The following NCAPD3 variants were observed in gnomAD, a reference collection of about 807,000 sequenced individuals.
NCAPD3 encodes the protein condensin-2 complex subunit D3.
Under a neutral mutation model 182.9 loss-of-function variants are expected in NCAPD3, and 105 were observed. The ratio of observed to expected loss-of-function variants is 0.57; its 90% confidence interval spans 0.49 to 0.68. The LOEUF (loss-of-function observed/expected upper bound fraction) is 0.68. NCAPD3 is among the 30% of genes least tolerant of loss of function. The pLI is 0.00. For missense variants in NCAPD3, 1,944 were observed against 1,837.0 expected, an observed-to-expected ratio of 1.06 and a Z score of -1.07; for synonymous variants, 815 against 679.9, an observed-to-expected ratio of 1.20 and a Z score of -3.09.
upstream of NCAPD3, chr11:134,224,089 T>A (rs1298853063): frequency 1.7e-5 from 14 of 818,062 alleles, no homozygotes; most frequent in Non-Finnish European, 2.1e-5. Context: ...ACCGGCGTCG[T>A]CCGCCGCACG....
In NCAPD3 at chr11:134,150,852, G is replaced by A. The variant is rs1035291923; in HGVS notation, c.*2092C>T. The A allele has an allele frequency of 6.6e-6, 1 of 152,022 alleles. No individual in the cohort carries two copies. Among genetic ancestry groups the A allele is most frequent in the Non-Finnish European group, 1.5e-5 (1 of 67,918 alleles). 9.4% of individuals were successfully genotyped at this position (152,022 alleles called of 1,614,324 possible). The stretch of plus-strand genomic sequence containing the variant: ...GTGGCGGCCAGTCCAGCCTTTTAAA[G>A]AACGTCAGGTGGAGCAGCCAGGTGA... On this transcript the variant is annotated 3_prime_UTR_variant, in exon 35 of 35. Coordinates refer to ENST00000534548, the MANE Select transcript of NCAPD3 (RefSeq NM_015261.3).
chr11:134,183,954 C>T (rs981433418), intron 19 of NCAPD3, among the ~76,000 whole-genome samples: 13 of 152,154 alleles, frequency 8.5e-5, no homozygotes, highest in African/African-American at 3.1e-4. Context: ...TTATTAATAA[C>T]CCCAGCTCTA....
intron 3 of NCAPD3, 85 bp downstream of exon 3, chr11:134,216,850 GA>G (rs1020122013): frequency 1.4e-6 from 2 of 1,385,134 alleles, no homozygotes; most frequent in African/African-American, 2.9e-5. Flanking sequence ...TATAAGTGAA[GA>G]AACAAGAAAC....
chr11:134,164,620 G>C (rs920367826), intron 27 of NCAPD3, among the ~76,000 whole-genome samples: 1 of 150,882 alleles, frequency 6.6e-6, no homozygotes, highest in African/African-American at 2.4e-5. Context: ...ACACTCACTT[G>C]TGACATGAGC....
At position 134,153,141 on chromosome 11, in the gene NCAPD3, G is replaced by A; in HGVS notation, c.4387C>T (p.Pro1463Ser). 1 of 1,614,024 alleles carries A rather than the reference G, an allele frequency of 6.2e-7. No individual in the cohort carries two copies. Among genetic ancestry groups the A allele is most frequent in the Non-Finnish European group, 8.5e-7 (1 of 1,179,898 alleles). ...CAAAAGGAACACTGCTAAACTTACGGTTTATCAGGCAGTGATAAACATAAG... is the reference window on the plus strand; with the variant it reads ...CAAAAGGAACACTGCTAAACTTACGATTTATCAGGCAGTGATAAACATAAG... Reference protein sequence around the residue: ...DILCLSLPDKPPPQPQQWNVR... With the variant: ...DILCLSLPDKSPPQPQQWNVR... The change falls in exon 34 of 35, where the codon CCG becomes TCG. Residue 1463 changes from proline (P) to serine (S), a missense_variant and splice_region_variant. Around this residue, in one of 3 missense-constraint regions of NCAPD3, gnomAD observed 1,803 missense variants for 1,674.6 expected, o/e 1.08. Coordinates refer to ENST00000534548, the MANE Select transcript of NCAPD3 (RefSeq NM_015261.3).
intron 2 of NCAPD3, among the ~76,000 whole-genome samples, chr11:134,218,501 T>C (rs1442536281): frequency 6.6e-6 from 1 of 152,226 alleles, no homozygotes; most frequent in African/African-American, 2.4e-5. Context: ...CCTGACAGAA[T>C]CTCAAGTTCA....
chr11:134,204,298 G>T lies in NCAPD3; in HGVS notation c.1090-127C>A. The T allele has an allele frequency of 9.6e-7, 1 of 1,040,902 alleles. No homozygotes were observed. Among genetic ancestry groups the T allele is most frequent in the Non-Finnish European group, 1.3e-6 (1 of 742,916 alleles). The allele number at this position is 1,040,902 out of a possible 1,614,324, so 64.5% of individuals were successfully genotyped here. On this transcript the variant is annotated intron_variant, in intron 9 of 34. Coordinates refer to ENST00000534548, the MANE Select transcript of NCAPD3 (RefSeq NM_015261.3). The surrounding 1 kb of genome is among the most constrained non-coding windows in gnomAD (Gnocchi z 4.3). ...AATGACCTTTAAATGTTACGTAAATGACTAATAAATTTTAGGTTTTAGAAC... is the reference window on the plus strand; with the variant it reads ...AATGACCTTTAAATGTTACGTAAATTACTAATAAATTTTAGGTTTTAGAAC...
rs140434135 is a variant in NCAPD3 at position 134,177,286 on chromosome 11, A to C, written c.2954T>G (p.Met985Arg). The change falls in exon 23 of 35, where the codon ATG becomes AGG. Residue 985 changes from methionine to arginine, a missense_variant. Physicochemically the swap from Met to Arg is moderately conservative, Grantham distance 91. Transcript: ENST00000534548. ...MVDKYIPNIS[M>R]CLKDSDPFIR... ...GAATGGGTCGGAATCCTTCAGACAC[A>C]TGGAGATGTTGGGAATATACTTGTC... 8 of 1,614,108 alleles carry C rather than the reference A, an allele frequency of 5.0e-6. No individual in the cohort carries two copies. Among genetic ancestry groups the C allele is most frequent in the Non-Finnish European group, 6.8e-6 (8 of 1,180,048 alleles).
chr11:134,164,717 C>T (rs930385876), intron 27 of NCAPD3, among the ~76,000 whole-genome samples: 5 of 149,980 alleles, frequency 3.3e-5, no homozygotes, highest in Middle Eastern at 3.7e-3. Context: ...GCTGTACACT[C>T]ACTTGCGACA....
At chr11:134,157,237 G>C in intron 31 of NCAPD3, 142 bp from the exon 32 acceptor site, 2 of 559,158 alleles carry the variant, frequency 3.6e-6, no homozygotes, top group Non-Finnish European at 6.2e-6. Context: ...GGCAATTCAG[G>C]AAGAAATACA....
chr11:134,217,205 G>A (rs1938060248), intron 2 of NCAPD3, 107 bp from the exon 3 acceptor site: 2 of 1,034,014 alleles, frequency 1.9e-6, no homozygotes, highest in Non-Finnish European at 1.3e-6. Flanking sequence ...GAGGAATAGA[G>A]TAGCCTGGCT....
chr11:134,216,035 C>T (rs1370967994), intron 3 of NCAPD3, among the ~76,000 whole-genome samples: 2 of 152,164 alleles, frequency 1.3e-5, no homozygotes, highest in East Asian at 3.8e-4. Flanking sequence ...TCAGAAGAAA[C>T]TGCATCTGGC....
intron 13 of NCAPD3, among the ~76,000 whole-genome samples, chr11:134,198,954 T>A (rs968833552): frequency 2.0e-4 from 30 of 151,952 alleles, no homozygotes; most frequent in Admixed American, 1.8e-3. Flanking sequence ...CCGAAAGAAA[T>A]AAAAAGACAT....
chr11:134,197,639 A>G (rs1372962438), intron 13 of NCAPD3, among the ~76,000 whole-genome samples: 9 of 152,242 alleles, frequency 5.9e-5, no homozygotes, highest in African/African-American at 2.2e-4. Flanking sequence ...CCTTATGAAT[A>G]TGACACCAAA....
At position 134,209,164 on chromosome 11, in the gene NCAPD3, A is replaced by G; in HGVS notation, c.775T>C (p.Cys259Arg). The change falls in exon 6 of 35, where the codon TGT (cysteine) becomes CGT (arginine). Residue 259 changes from cysteine (C) to arginine (R), a missense_variant. Physicochemically the swap from Cys to Arg is radical, Grantham distance 180. Transcript: ENST00000534548. Reference sequence around the variant, plus strand: ...GCTCACCTGGCTTGTGTAACATGACATTCATGAAGAACTGGCTCAAAATTA... The same window carrying G: ...GCTCACCTGGCTTGTGTAACATGACGTTCATGAAGAACTGGCTCAAAATTA... ...LTNFEPVLHE[C>R]HVTQARALNQ... 1.9e-6 allele frequency: 3 copies of G among 1,613,640 alleles called. No individual in the cohort carries two copies. The highest frequency in any genetic ancestry group is 2.5e-6 in the Non-Finnish European group (3 of 1,179,804).
At chr11:134,170,704 G>A (rs1001938951) in intron 24 of NCAPD3, among the ~76,000 whole-genome samples, 13 of 152,206 alleles carry the variant, frequency 8.5e-5, no homozygotes, top group South Asian at 4.1e-4. Flanking sequence ...AAGATACTGC[G>A]GAGTTTAAGC....
At chr11:134,173,394 T>A (rs974332675) in intron 24 of NCAPD3, 8 of 153,604 alleles carry the variant, frequency 5.2e-5, no homozygotes, top group African/African-American at 1.9e-4. Context: ...GACCTGGTTC[T>A]GTGTGCAAGA....
At chr11:134,160,302 GTAAC>G (rs1358899119) in intron 28 of NCAPD3, among the ~76,000 whole-genome samples, 2 of 152,142 alleles carry the variant, frequency 1.3e-5, no homozygotes, top group Non-Finnish European at 2.9e-5. Context: ...TTCCATTCCA[GTAAC>G]TAACAGGTAC....
chr11:134,213,350 C>G (rs1223827556), intron 3 of NCAPD3, among the ~76,000 whole-genome samples: 2 of 151,234 alleles, frequency 1.3e-5, no homozygotes, highest in Non-Finnish European at 2.9e-5. Flanking sequence ...GAGACAGAGT[C>G]TCACTGTCAC....
Sources: gnomAD v4.1 joint callset for allele counts (sites outside exome capture counted in the v4.1 genomes callset) on GRCh38, gnomAD v4.1.1 for gene constraint, gnomAD v4.1.1 regional missense constraint, Gnocchi (gnomAD v3.1) non-coding constraint, MANE v1.5 for transcripts, NCBI Gene and HGNC (gene_info 2026-07-23, HGNC 2026-07-21) for gene names.